ACTC1: variants seen among roughly 807,000 people sequenced by gnomAD.
The protein encoded by ACTC1 is actin, alpha cardiac muscle 1.
In ACTC1, 10 loss-of-function variants were observed where a neutral mutation model predicts 31.6. The ratio of observed to expected loss-of-function variants is 0.32; its 90% confidence interval spans 0.19 to 0.54. The LOEUF (loss-of-function observed/expected upper bound fraction) is 0.54, where lower values mean the gene tolerates loss of function less well. ACTC1 is among the 20% of genes least tolerant of loss of function. The pLI, the probability that ACTC1 is intolerant of heterozygous loss-of-function variation, is 0.95. For synonymous variants in ACTC1, 196 were observed against 185.0 expected (o/e 1.06, Z -0.48); for missense variants, 129 against 506.4 (o/e 0.25, Z 7.15).
rs748062476 is a variant in ACTC1 at position 34,790,508 on chromosome 15, G to A, written c.1038C>T (p.Ser346=). ...GGAAGGTGGACAGAGAGGCCAGGAT[G>A]GAGCCCCCAATCCAGACAGAGTATT... ...ERKYSVWIGG[S]ILASLSTFQQ... Residue 346 remains serine (S), a synonymous_variant, in exon 7 of 7, where the codon TCC becomes TCT. Transcript: ENST00000290378. 8 of 1,614,126 alleles carry A rather than the reference G, an allele frequency of 5.0e-6. No homozygotes were observed. The highest frequency in any genetic ancestry group is 6.8e-6 in the Non-Finnish European group (8 of 1,180,010).
rs774238821 is a variant in ACTC1, at chr15:34,791,306, G to GAC, written c.809-12_809-11insGT. 2.8e-6 allele frequency: 4 copies of GAC among 1,430,034 alleles called. No homozygotes were observed. Among genetic ancestry groups the GAC allele is most frequent in the African/African-American group, 1.7e-5 (1 of 57,332 alleles). The allele number at this position is 1,430,034 out of a possible 1,614,324, so 88.6% of individuals were successfully genotyped here. Reference sequence around the variant, plus strand: ...CAGCAGATTCCATACCTGGGAACGAGTCACACACACACACACACACACACA... The same window carrying GAC: ...CAGCAGATTCCATACCTGGGAACGAGACTCACACACACACACACACACACACA... On this transcript the variant is annotated splice_polypyrimidine_tract_variant and intron_variant, in intron 5 of 6. Coordinates refer to ENST00000290378, the MANE Select transcript of ACTC1 (RefSeq NM_005159.5).
Position 34,794,850 on chromosome 15 carries a change from G to A in ACTC1, c.-22-20C>T. On this transcript the variant is annotated intron_variant, in intron 1 of 6. Coordinates refer to ENST00000290378, the MANE Select transcript of ACTC1 (RefSeq NM_005159.5). ...GGGGTTCTGCAGGTTGAGGAGGGGA[G>A]GGCGGACCACGCTTAGCTGCCTGTG... is the stretch of plus-strand genomic sequence containing the variant. 6.2e-7 allele frequency: 1 copy of A among 1,604,664 alleles called. No homozygotes were observed. The highest frequency in any genetic ancestry group is 8.5e-7 in the Non-Finnish European group (1 of 1,173,276).
chr15:34,794,929 G>T, intron 1 of ACTC1, 99 bp from the exon 2 acceptor site: 1 of 1,224,104 alleles, frequency 8.2e-7, no homozygotes. Flanking sequence ...GGGGTTGTGG[G>T]GACTGGACAG....
chr15:34,792,739 C>T lies in ACTC1; in HGVS notation c.455-170G>A. On this transcript the variant is annotated intron_variant, in intron 3 of 6. Transcript: ENST00000290378. This position sits in a 1 kb window ranked among gnomAD's most constrained non-coding sequence, Gnocchi z 5.3. ...AGAATAAAAATGCGCATCAGGAATA[C>T]TAAATCTGAAGCAAACTGCAGCTCA... 8.4e-6 allele frequency: 6 copies of T among 718,194 alleles called. No homozygotes were observed. Among genetic ancestry groups the T allele is most frequent in the Non-Finnish European group, 1.4e-5 (6 of 422,320 alleles). 44.5% of individuals were successfully genotyped at this position (718,194 alleles called of 1,614,324 possible).
Position 34,792,681 on chromosome 15 carries a change from T to G in ACTC1, c.455-112A>C. The G allele has an allele frequency of 8.8e-7, 1 of 1,138,306 alleles. No individual in the cohort carries two copies. The highest frequency in any genetic ancestry group is 2.5e-5 in the East Asian group (1 of 40,672). 70.5% of individuals were successfully genotyped at this position (1,138,306 alleles called of 1,614,324 possible). ...GCTAAGAGATGCTAGCAATGGGCATTGATCCAGATAAAATTAGATTCCTTA... is the reference window on the plus strand; with the variant it reads ...GCTAAGAGATGCTAGCAATGGGCATGGATCCAGATAAAATTAGATTCCTTA... On this transcript the variant is annotated intron_variant, in intron 3 of 6. Transcript: ENST00000290378. The surrounding 1 kb of genome is among the most constrained non-coding windows in gnomAD (Gnocchi z 5.3).
chr15:34,792,718 T>C lies in ACTC1; in HGVS notation c.455-149A>G. ...AATTAGATTCCTTACACACAAAGAATAAAAATGCGCATCAGGAATACTAAA... is the reference window on the plus strand; with the variant it reads ...AATTAGATTCCTTACACACAAAGAACAAAAATGCGCATCAGGAATACTAAA... On this transcript the variant is annotated intron_variant, in intron 3 of 6. Transcript: ENST00000290378. This position sits in a 1 kb window ranked among gnomAD's most constrained non-coding sequence, Gnocchi z 5.3. 1 of 811,398 alleles carries C rather than the reference T, an allele frequency of 1.2e-6. No homozygotes were observed. Among genetic ancestry groups the C allele is most frequent in the Non-Finnish European group, 2.0e-6 (1 of 489,098 alleles). 50.3% of individuals were successfully genotyped at this position (811,398 alleles called of 1,614,324 possible).
Position 34,792,645 on chromosome 15 carries a change from T to C in ACTC1, c.455-76A>G, listed in dbSNP as rs886676548. On this transcript the variant is annotated intron_variant, in intron 3 of 6. Coordinates refer to ENST00000290378, the MANE Select transcript of ACTC1 (RefSeq NM_005159.5). This position sits in a 1 kb window ranked among gnomAD's most constrained non-coding sequence, Gnocchi z 5.3. ...CTGCTCTAGCCACGGCAAAGCCCGC[T>C]TCCAATCTTGGCTAAGAGATGCTAG... is the stretch of plus-strand genomic sequence containing the variant. The C allele has an allele frequency of 2.1e-5, 32 of 1,536,398 alleles. 1 individual carries two copies. In the Admixed American group the frequency reaches 5.4e-4, roughly 26 times the overall value.
rs1891684993 is a variant in ACTC1 at position 34,790,629 on chromosome 15, A to T, written c.991-74T>A. 5.1e-6 allele frequency: 8 copies of T among 1,568,192 alleles called. No individual in the cohort carries two copies. In the Admixed American group the frequency reaches 1.3e-4, roughly 26 times the overall value. On this transcript the variant is annotated intron_variant, in intron 6 of 6. Coordinates refer to ENST00000290378, the MANE Select transcript of ACTC1 (RefSeq NM_005159.5). ...AGGGAGCAAATAACACATTGGGAGG[A>T]TTCACAGAAAAAAACCATTAGATAT...
rs774767260 is a variant in ACTC1 at position 34,793,366 on chromosome 15, C to T, written c.333G>A (p.Pro111=). ...EEHPTLLTEA[P]LNPKANREKM... ...TCTCCCGGTTGGCCTTGGGGTTCAG[C>T]GGGGCCTCTGTGAGCAGGGTGGGGT... Residue 111 remains proline (P), a synonymous_variant, in exon 3 of 7, where the codon CCG becomes CCA. Coordinates refer to ENST00000290378, the MANE Select transcript of ACTC1 (RefSeq NM_005159.5). The surrounding 1 kb of genome is among the most constrained non-coding windows in gnomAD (Gnocchi z 4.8). The T allele has an allele frequency of 3.1e-5, 50 of 1,614,010 alleles. No individual in the cohort carries two copies. In the East Asian group the frequency reaches 3.3e-4, roughly 11 times the overall value.
rs1180775254 is a variant in ACTC1 at position 34,794,917 on chromosome 15, AG to A, written c.-22-88del. The A allele has an allele frequency of 4.7e-6, 3 of 638,278 alleles. No individual in the cohort carries two copies. The East Asian group carries it at 1.7e-4, about 37-fold the overall frequency. The allele number at this position is 638,278 out of a possible 1,614,324, so 39.5% of individuals were successfully genotyped here. A position where few individuals can be genotyped will look rare whatever the true frequency, so the allele number is the denominator to read the frequency against. The stretch of plus-strand genomic sequence containing the variant: ...CACCCAGAGGACAGGACAGAGCAGA[AG>A]GGGGTTGTGGGGACTGGACAGGGGG... On this transcript the variant is annotated intron_variant, in intron 1 of 6. Coordinates refer to ENST00000290378, the MANE Select transcript of ACTC1 (RefSeq NM_005159.5).
rs3059225 is a variant in ACTC1, at chr15:34,795,351, T to TA, written c.-23+154dup. Among the ~76,000 whole-genome samples the TA allele has an allele frequency of 0.14, 19,234 of 136,494 alleles. 1,749 individuals are homozygous for TA. The highest frequency in any genetic ancestry group is 0.26 in the African/African-American group (9,916 of 37,498). The allele number at this position is 136,494 out of a possible 152,430, so 89.5% of individuals were successfully genotyped here. The stretch of plus-strand genomic sequence containing the variant: ...GAACCAAATCAAAAAGTGTGGGCTT[T>TA]AAAAAAAAAAAAAAAAAGGCAGTCG... On this transcript the variant is annotated intron_variant, in intron 1 of 6. Coordinates refer to ENST00000290378, the MANE Select transcript of ACTC1 (RefSeq NM_005159.5).
Position 34,791,127 on chromosome 15 carries a change from G to A in ACTC1, c.977C>T (p.Thr326Ile). Residue 326 changes from threonine (T) to isoleucine (I), a missense_variant, in exon 6 of 7, where the codon ACC becomes ATC. Coordinates refer to ENST00000290378, the MANE Select transcript of ACTC1 (RefSeq NM_005159.5). ...AAAGTTCTTTACCTTAATCTTCATG[G>A]TGCTAGGAGCCAGAGCAGTGATTTC... ...QKEITALAPS[T>I]MKIKIIAPPE... The A allele has an allele frequency of 6.2e-7, 1 of 1,603,332 alleles. No homozygotes were observed. Among genetic ancestry groups the A allele is most frequent in the Non-Finnish European group, 8.5e-7 (1 of 1,171,818 alleles).
At chr15:34,794,886 T>G in intron 1 of ACTC1, 56 bp from the exon 2 acceptor site, 1 of 1,442,128 alleles carries the variant, frequency 6.9e-7, no homozygotes, top group Admixed American at 1.8e-5. Flanking sequence ...CAGCTGGCCT[T>G]CTCCGCACCC....
rs983260254 is a variant in ACTC1 at position 34,793,190 on chromosome 15, G to A, written c.454+55C>T. On this transcript the variant is annotated intron_variant, in intron 3 of 6. Transcript: ENST00000290378. The surrounding 1 kb of genome is among the most constrained non-coding windows in gnomAD (Gnocchi z 4.8). ...AACTGGGGGATCTGATTCACAGCAA[G>A]GTCGGTGACTTGGGAATGTGATTCA... 79 of 1,558,702 alleles carry A rather than the reference G, an allele frequency of 5.1e-5. No homozygotes were observed. In the Admixed American group the frequency reaches 6.7e-4, roughly 13 times the overall value.
rs1392836317 is a variant in ACTC1 at position 34,792,325 on chromosome 15, G to A, written c.617-44C>T. 1 of 1,614,074 alleles carries A rather than the reference G, an allele frequency of 6.2e-7. No homozygotes were observed. The highest frequency in any genetic ancestry group is 1.7e-5 in the Admixed American group (1 of 60,032). On this transcript the variant is annotated intron_variant, in intron 4 of 6. Transcript: ENST00000290378. This position sits in a 1 kb window ranked among gnomAD's most constrained non-coding sequence, Gnocchi z 5.3. ...TCACAGTCATGCTCTGAAGCAAGAAGTCAATTATAGGGAGGTAGGCGGATT... is the reference window on the plus strand; with the variant it reads ...TCACAGTCATGCTCTGAAGCAAGAAATCAATTATAGGGAGGTAGGCGGATT...
In ACTC1 at chr15:34,792,346, G is replaced by A. The variant is rs200532721; in HGVS notation, c.616+62C>T. 49 of 1,613,646 alleles carry A rather than the reference G, an allele frequency of 3.0e-5. No homozygotes were observed. The East Asian group carries it at 4.5e-4, about 15-fold the overall frequency. On this transcript the variant is annotated intron_variant, in intron 4 of 6. Transcript: ENST00000290378. This position sits in a 1 kb window ranked among gnomAD's most constrained non-coding sequence, Gnocchi z 5.3. The stretch of plus-strand genomic sequence containing the variant: ...AGAAGTCAATTATAGGGAGGTAGGC[G>A]GATTCAGTGAGAGAGGAGGAAAGCA...
rs763817712 is a variant in ACTC1 at position 34,792,047 on chromosome 15, T to A, written c.808+43A>T. On this transcript the variant is annotated intron_variant, in intron 5 of 6. Transcript: ENST00000290378. This position sits in a 1 kb window ranked among gnomAD's most constrained non-coding sequence, Gnocchi z 5.3. Reference sequence around the variant, plus strand: ...ATTTTACTCTGGGAGACCCTAAGATTTCCAGGGAAAATCGTGCCTCTGCAC... The same window carrying A: ...ATTTTACTCTGGGAGACCCTAAGATATCCAGGGAAAATCGTGCCTCTGCAC... 1.9e-6 allele frequency: 3 copies of A among 1,610,006 alleles called. No individual in the cohort carries two copies. The highest frequency in any genetic ancestry group is 1.7e-6 in the Non-Finnish European group (2 of 1,177,246).
At chr15:34,791,840 C>T (rs1299607191) in intron 5 of ACTC1, 1 of 519,460 alleles carries the variant, frequency 1.9e-6, no homozygotes. Context: ...CAGATACGTG[C>T]TATTCAGTTA....
chr15:34,791,310 C>T lies in ACTC1; in HGVS notation c.809-15G>A. 1 of 354,326 alleles carries T rather than the reference C, an allele frequency of 2.8e-6. No homozygotes were observed. 21.9% of individuals were successfully genotyped at this position (354,326 alleles called of 1,614,324 possible). A position where few individuals can be genotyped will look rare whatever the true frequency, so the allele number is the denominator to read the frequency against. ...AGATTCCATACCTGGGAACGAGTCA[C>T]ACACACACACACACACACACACACA... On this transcript the variant is annotated splice_polypyrimidine_tract_variant and intron_variant, in intron 5 of 6. Coordinates refer to ENST00000290378, the MANE Select transcript of ACTC1 (RefSeq NM_005159.5).
Sources: gnomAD v4.1 joint callset for allele counts (sites outside exome capture counted in the v4.1 genomes callset) on GRCh38, gnomAD v4.1.1 for gene constraint, Gnocchi (gnomAD v3.1) non-coding constraint, MANE v1.5 for transcripts, NCBI Gene and HGNC (gene_info 2026-07-23, HGNC 2026-07-21) for gene names.